PRORP: variants seen among roughly 807,000 people sequenced by gnomAD.
PRORP encodes the protein mitochondrial ribonuclease P catalytic subunit.
A neutral mutation model predicts 59.4 loss-of-function variants in PRORP; 51 were observed. That is an observed-to-expected ratio of 0.86 (90% CI 0.69 to 1.08). The LOEUF is 1.08. Among genes scored for constraint, PRORP ranks in the 50% least tolerant of loss-of-function variants. PRORP has a pLI of 0.00. For missense variants in PRORP, 646 were observed against 690.3 expected (o/e 0.94, Z 0.72); for synonymous variants, 231 against 245.6 (o/e 0.94, Z 0.55).
intron 4 of PRORP, among the ~76,000 whole-genome samples, chr14:35,139,836 ATGCTCCTTTTGAAGGATCCAGGG>A (rs1350735076): frequency 2.1e-5 from 3 of 145,744 alleles, no homozygotes; most frequent in Admixed American, 7.1e-5. Context: ...TGGCAAGGTC[ATGCTCCTTTTGAAGGATCCAGGG>A]AAGAATCCTT....
intron 5 of PRORP, among the ~76,000 whole-genome samples, chr14:35,193,892 T>C (rs1416016948): frequency 6.6e-6 from 1 of 152,210 alleles, no homozygotes; most frequent in Non-Finnish European, 1.5e-5. Context: ...TCTTGTCCCT[T>C]ATGTCCCAAA....
chr14:35,272,570 T>C (rs2051220599), intron 7 of PRORP, among the ~76,000 whole-genome samples: 1 of 152,208 alleles, frequency 6.6e-6, no homozygotes, highest in Non-Finnish European at 1.5e-5. Context: ...AATAAAGGTA[T>C]AAAGGTATTG....
chr14:35,183,770 C>G (rs1039427134), intron 5 of PRORP, among the ~76,000 whole-genome samples: 2 of 152,164 alleles, frequency 1.3e-5, no homozygotes, highest in Admixed American at 1.3e-4. Flanking sequence ...TTCAGCCACT[C>G]ACCTATGCCA....
intron 5 of PRORP, among the ~76,000 whole-genome samples, chr14:35,188,941 TAAAAA>T (rs748540239): frequency 2.1e-5 from 1 of 47,490 alleles, no homozygotes. Context: ...AGACTCTGTC[TAAAAA>T]AAAAAAAAAA....
chr14:35,224,886 C>G (rs141649474), intron 5 of PRORP, among the ~76,000 whole-genome samples: 17 of 152,102 alleles, frequency 1.1e-4, no homozygotes, highest in African/African-American at 3.6e-4. Flanking sequence ...ACAATGAACT[C>G]CTTTTTTTTT....
At chr14:35,238,009 T>G (rs1041973211) in intron 5 of PRORP, among the ~76,000 whole-genome samples, 1 of 152,066 alleles carries the variant, frequency 6.6e-6, no homozygotes, top group Non-Finnish European at 1.5e-5. Context: ...AACAAAACTC[T>G]AAATACAGTG....
At chr14:35,220,540 A>G (rs2049745625) in intron 5 of PRORP, among the ~76,000 whole-genome samples, 1 of 152,178 alleles carries the variant, frequency 6.6e-6, no homozygotes, top group Non-Finnish European at 1.5e-5. Context: ...AGACTTAATG[A>G]ACAGTTCATG....
intron 5 of PRORP, among the ~76,000 whole-genome samples, chr14:35,243,011 T>C (rs1383909760): frequency 6.6e-6 from 1 of 152,210 alleles, no homozygotes; most frequent in African/African-American, 2.4e-5. Flanking sequence ...ACAAGGAGTT[T>C]CTCCCAAAAA....
intron 5 of PRORP, among the ~76,000 whole-genome samples, chr14:35,248,737 A>C (rs759175686): frequency 5.9e-5 from 9 of 152,240 alleles, no homozygotes; most frequent in Non-Finnish European, 1.3e-4. Context: ...AAAATGTTGA[A>C]TATAGCAGTC....
At chr14:35,204,497 T>C (rs544838445) in intron 5 of PRORP, among the ~76,000 whole-genome samples, 3 of 152,364 alleles carry the variant, frequency 2.0e-5, no homozygotes, top group South Asian at 4.1e-4. Flanking sequence ...ACAACTACAT[T>C]GATCTGAACA....
rs1050310996 is a variant in PRORP at position 35,143,276 on chromosome 14, C to T, written c.1167+15665C>T. Among the ~76,000 whole-genome samples, 7 of 144,886 alleles carry T rather than the reference C, an allele frequency of 4.8e-5. 1 individual carries two copies. Among genetic ancestry groups the T allele is most frequent in the Non-Finnish European group, 1.1e-4 (7 of 65,250 alleles). On this transcript the variant is annotated intron_variant, in intron 4 of 7. Transcript: ENST00000534898. ...CCAGGTTCAAGCGATTCTCCTGCCT[C>T]AGCCTCCCCCGAGTAGCTGGGATTA...
intron 4 of PRORP, among the ~76,000 whole-genome samples, chr14:35,165,654 A>G (rs968051168): frequency 1.3e-5 from 2 of 151,330 alleles, no homozygotes; most frequent in Non-Finnish European, 2.9e-5. Context: ...TTTTTCCCAG[A>G]GTCTCATGTC....
chr14:35,199,518 G>A (rs2049095661), intron 5 of PRORP, among the ~76,000 whole-genome samples: 1 of 152,060 alleles, frequency 6.6e-6, no homozygotes, highest in Non-Finnish European at 1.5e-5. Flanking sequence ...AAGGGCTTGA[G>A]GGAGTGAGTT....
chr14:35,246,685 G>A (rs1322099215), intron 5 of PRORP, among the ~76,000 whole-genome samples: 1 of 152,018 alleles, frequency 6.6e-6, no homozygotes, highest in Non-Finnish European at 1.5e-5. Flanking sequence ...TTTCAAGTGG[G>A]GTTAAGATTA....
chr14:35,124,256 T>C (rs1238084593), intron 2 of PRORP, 25 bp downstream of exon 2: 8 of 1,476,794 alleles, frequency 5.4e-6, no homozygotes, highest in Non-Finnish European at 7.2e-6. Context: ...TTTATATGTA[T>C]GTTTTTATTC....
intron 5 of PRORP, among the ~76,000 whole-genome samples, chr14:35,202,029 G>T (rs1250189777): frequency 2.0e-5 from 3 of 151,338 alleles, no homozygotes; most frequent in Non-Finnish European, 4.4e-5. Flanking sequence ...GAGTGCAGTG[G>T]TGTGATCTCG....
At chr14:35,228,447 T>G (rs917119696) in intron 5 of PRORP, among the ~76,000 whole-genome samples, 2 of 152,200 alleles carry the variant, frequency 1.3e-5, no homozygotes, top group African/African-American at 4.8e-5. Context: ...TTTCAACCCT[T>G]GCCTTCCTCC....
At chr14:35,251,181 G>C (rs749542375) in intron 5 of PRORP, among the ~76,000 whole-genome samples, 2 of 152,096 alleles carry the variant, frequency 1.3e-5, no homozygotes, top group Admixed American at 1.3e-4. Context: ...CATCCAGGTC[G>C]CTGCAAATGC....
Position 35,124,032 on chromosome 14 carries a change from G to C in PRORP, c.787G>C (p.Ala263Pro). 1 of 1,613,614 alleles carries C rather than the reference G, an allele frequency of 6.2e-7. No individual in the cohort carries two copies. The highest frequency in any genetic ancestry group is 8.5e-7 in the Non-Finnish European group (1 of 1,179,702). ...GALLHQDVNT[A>P]WNLYQELLGH... ...TCTCCTTCATCAAGATGTAAACACA[G>C]CTTGGAATTTATATCAGGAATTGCT... Residue 263 changes from alanine to proline, a missense_variant, in exon 2 of 8, where the codon GCT becomes CCT. Transcript: ENST00000534898.
Sources: allele counts gnomAD v4.1 joint callset (sites outside exome capture counted in the v4.1 genomes callset), GRCh38; gene constraint gnomAD v4.1.1; transcripts MANE v1.5; gene names NCBI Gene and HGNC (gene_info 2026-07-23, HGNC 2026-07-21).